The following BCL2L11 variants were observed in gnomAD, a reference collection of about 807,000 sequenced individuals.
BCL2L11 encodes BCL2 like 11.
BCL2L11 carries 15 observed loss-of-function variants against 20.6 expected under a neutral mutation model. The ratio of observed to expected loss-of-function variants is 0.73; its 90% CI spans 0.49 to 1.12. The LOEUF (loss-of-function observed/expected upper bound fraction) is 1.12. BCL2L11 is among the 50% of genes most tolerant of loss of function. The pLI is 0.00. For missense variants in BCL2L11, 292 were observed against 260.9 expected (o/e 1.12, Z -0.82); for synonymous variants, 108 against 92.8 (o/e 1.16, Z -0.94).
chr2:111,151,950 C>G (rs901452085), intron 3 of BCL2L11: 1 of 1,382,530 alleles, frequency 7.2e-7, no homozygotes, highest in Non-Finnish European at 1.0e-6. Context: ...TAACCATTCC[C>G]TCCAGTTCCT....
At chr2:111,155,924 G>C (rs1381587452) in intron 3 of BCL2L11, among the ~76,000 whole-genome samples, 2 of 152,236 alleles carry the variant, frequency 1.3e-5, no homozygotes, top group Admixed American at 6.5e-5. Flanking sequence ...AGTTGAGAAG[G>C]TGACTTGCAG....
intron 2 of BCL2L11, among the ~76,000 whole-genome samples, chr2:111,139,578 CTG>C (rs1314815962): frequency 6.6e-6 from 1 of 152,078 alleles, no homozygotes; most frequent in East Asian, 1.9e-4. Context: ...TTTAGACAGA[CTG>C]TTGGCCATTG....
intron 3 of BCL2L11, among the ~76,000 whole-genome samples, chr2:111,154,899 G>A (rs2077647817): frequency 6.6e-6 from 1 of 152,190 alleles, no homozygotes; most frequent in African/African-American, 2.4e-5. Flanking sequence ...TTAATGATTT[G>A]GCGGGAGGCA....
chr2:111,156,067 T>G (rs987543586), intron 3 of BCL2L11, among the ~76,000 whole-genome samples: 3 of 152,232 alleles, frequency 2.0e-5, no homozygotes, highest in Non-Finnish European at 4.4e-5. Flanking sequence ...CTTGTTTTTA[T>G]AAATGGTAGT....
At chr2:111,143,609 A>G (rs959527954) in intron 2 of BCL2L11, among the ~76,000 whole-genome samples, 1 of 152,208 alleles carries the variant, frequency 6.6e-6, no homozygotes, top group East Asian at 1.9e-4. Context: ...GGAAATGTGC[A>G]TCTGTCCCAG....
chr2:111,128,941 C>T (rs966081694), intron 2 of BCL2L11: 58 of 995,282 alleles, frequency 5.8e-5, no homozygotes, highest in Non-Finnish European at 7.6e-5. Context: ...AACAGGCTGG[C>T]CTCACAGAGG....
intron 2 of BCL2L11, among the ~76,000 whole-genome samples, chr2:111,147,076 T>C (rs113893295): frequency 4.4e-4 from 67 of 152,318 alleles, no homozygotes; most frequent in African/African-American, 1.6e-3. Context: ...ATTTCCATAA[T>C]AACTTTTTAA....
rs550740908 is a variant in BCL2L11 at position 111,121,833 on chromosome 2, C to A, written c.-14+645C>A. Among the ~76,000 whole-genome samples the A allele has an allele frequency of 2.0e-5, 3 of 152,354 alleles. No homozygotes were observed. In the East Asian group the frequency reaches 5.8e-4, roughly 29 times the overall value. On this transcript the variant is annotated intron_variant, in intron 1 of 3. Coordinates refer to ENST00000393256, the MANE Select transcript of BCL2L11 (RefSeq NM_138621.5). ...TGCCATCCGCACGATTCCCTGGCAGCGAGAAATCTAGGTCCTCCCCTGACC... is the reference window on the plus strand; with the variant it reads ...TGCCATCCGCACGATTCCCTGGCAGAGAGAAATCTAGGTCCTCCCCTGACC...
intron 3 of BCL2L11, among the ~76,000 whole-genome samples, chr2:111,159,896 T>C (rs1420260303): frequency 2.6e-5 from 4 of 152,206 alleles, no homozygotes; most frequent in Non-Finnish European, 5.9e-5. Context: ...CCCTGTTGAA[T>C]GCTCGACACC....
chr2:111,134,951 GA>G, intron 2 of BCL2L11, among the ~76,000 whole-genome samples: 1 of 152,292 alleles, frequency 6.6e-6, no homozygotes, highest in South Asian at 2.1e-4. Flanking sequence ...TTAGTATTAA[GA>G]AGTTTAATTG....
chr2:111,164,034 G>A, intron 3 of BCL2L11, 99 bp from the exon 4 acceptor site: 1 of 781,232 alleles, frequency 1.3e-6, no homozygotes, highest in South Asian at 1.5e-5. Context: ...CTTTCATGGT[G>A]ATTAAGATGG....
intron 2 of BCL2L11, chr2:111,142,534 G>T: frequency 1.5e-6 from 1 of 666,408 alleles, no homozygotes; most frequent in Non-Finnish European, 2.6e-6. Context: ...ACTTCACTTT[G>T]TATATCACCA....
chr2:111,134,088 G>A (rs1263350203), intron 2 of BCL2L11, among the ~76,000 whole-genome samples: 1 of 149,122 alleles, frequency 6.7e-6, no homozygotes, highest in African/African-American at 2.5e-5. Flanking sequence ...TTTATATATG[G>A]CATGTCTTTA....
chr2:111,144,456 G>C, intron 2 of BCL2L11: 1 of 1,550,180 alleles, frequency 6.5e-7, no homozygotes, highest in Non-Finnish European at 8.7e-7. Flanking sequence ...TACCGCAAAC[G>C]CTGATGGCAG....
intron 2 of BCL2L11, among the ~76,000 whole-genome samples, chr2:111,149,818 TA>T (rs1559069540): frequency 1.3e-5 from 2 of 152,224 alleles, no homozygotes; most frequent in African/African-American, 2.4e-5. Context: ...TCTCCAGTTT[TA>T]AAAAAGGAAA....
chr2:111,152,811 G>A (rs1485907578), intron 3 of BCL2L11, among the ~76,000 whole-genome samples: 1 of 152,152 alleles, frequency 6.6e-6, no homozygotes, highest in Non-Finnish European at 1.5e-5. Flanking sequence ...TGTTTAAGAT[G>A]GTCATGTCTG....
At chr2:111,133,849 A>T (rs1323380943) in intron 2 of BCL2L11, among the ~76,000 whole-genome samples, 2 of 152,206 alleles carry the variant, frequency 1.3e-5, no homozygotes, top group East Asian at 3.9e-4. Context: ...GTTTCCTTTC[A>T]GCTCTATTAG....
intron 2 of BCL2L11, among the ~76,000 whole-genome samples, chr2:111,137,621 C>T (rs1378557782): frequency 6.7e-6 from 1 of 149,064 alleles, no homozygotes; most frequent in Non-Finnish European, 1.5e-5. Context: ...GAAGATGTAA[C>T]ATTCCTCCCC....
rs968946956 is a variant in BCL2L11, at chr2:111,128,621, T to A, written c.394+4482T>A. ...ACCAACACTTTTTTTTTTTTTTTTT[T>A]AACAGTAGTCATCCTAGAGGATATA... On this transcript the variant is annotated intron_variant, in intron 2 of 3. Coordinates refer to ENST00000393256, the MANE Select transcript of BCL2L11 (RefSeq NM_138621.5). 10 of 1,482,722 alleles carry A rather than the reference T, an allele frequency of 6.7e-6. No homozygotes were observed. Among genetic ancestry groups the A allele is most frequent in the African/African-American group, 6.0e-5 (4 of 66,678 alleles). 91.8% of individuals were successfully genotyped at this position (1,482,722 alleles called of 1,614,324 possible).
Sources: allele counts gnomAD v4.1 joint callset (sites outside exome capture counted in the v4.1 genomes callset), GRCh38; gene constraint gnomAD v4.1.1; transcripts MANE v1.5; gene names NCBI Gene and HGNC (gene_info 2026-07-23, HGNC 2026-07-21).